The following IDE variants were observed in gnomAD, a reference collection of about 807,000 sequenced individuals.
The protein encoded by IDE is insulin degrading enzyme.
IDE carries 58 observed loss-of-function variants against 133.2 expected under a neutral mutation model. The observed-to-expected ratio is 0.44, with a 90% confidence interval of 0.35 to 0.54. The LOEUF is 0.54. Among genes scored for constraint, IDE ranks in the 20% least tolerant of loss-of-function variants. The probability of loss-of-function intolerance (pLI) is 0.00; values close to 1 mark genes in which losing one functional copy is unlikely to be tolerated. For missense variants in IDE, 981 were observed against 1,234.0 expected (o/e 0.79, Z 3.07); for synonymous variants, 396 against 421.3 (o/e 0.94, Z 0.73).
intron 14 of IDE, among the ~76,000 whole-genome samples, chr10:92,481,801 C>A (rs916228019): frequency 1.3e-5 from 2 of 152,196 alleles, no homozygotes; most frequent in East Asian, 3.9e-4. Context: ...CTAGGAAATG[C>A]GCTAGGCAGT....
intron 1 of IDE, among the ~76,000 whole-genome samples, chr10:92,572,331 C>T (rs1474791609): frequency 6.6e-6 from 1 of 152,220 alleles, no homozygotes; most frequent in Non-Finnish European, 1.5e-5. Context: ...TGCTTACCAC[C>T]TGATTCTCTA....
rs1242841501 is a variant in IDE at position 92,470,312 on chromosome 10, G to C, written c.2150C>G (p.Pro717Arg). The change falls in exon 18 of 25, where the codon CCT becomes CGT. Residue 717 changes from proline to arginine, a missense_variant. Coordinates refer to ENST00000265986, the MANE Select transcript of IDE (RefSeq NM_004969.4). Reference sequence around the variant, plus strand: ...AATGTGCAGCCGTGACAGGAGCTGAGGTATGAAGGCCTTAAGGCGAGGAAG... The same window carrying C: ...AATGTGCAGCCGTGACAGGAGCTGACGTATGAAGGCCTTAAGGCGAGGAAG... ...VTLPRLKAFIPQLLSRLHIEA... is the reference protein window; with the variant it reads ...VTLPRLKAFIRQLLSRLHIEA... 1.2e-6 allele frequency: 2 copies of C among 1,606,248 alleles called. No individual in the cohort carries two copies. Among genetic ancestry groups the C allele is most frequent in the Non-Finnish European group, 1.7e-6 (2 of 1,175,832 alleles).
At chr10:92,504,478 A>AC (rs1848188851) in intron 11 of IDE, among the ~76,000 whole-genome samples, 1 of 152,172 alleles carries the variant, frequency 6.6e-6, no homozygotes, top group South Asian at 2.1e-4. Flanking sequence ...AGCCAGGTTA[A>AC]GACAGGTTAT....
chr10:92,548,844 C>A (rs1218243275), intron 1 of IDE, among the ~76,000 whole-genome samples: 2 of 152,198 alleles, frequency 1.3e-5, no homozygotes, highest in East Asian at 3.8e-4. Flanking sequence ...CACTCACCAA[C>A]CCTCGCTGAG....
intron 17 of IDE, among the ~76,000 whole-genome samples, chr10:92,473,391 A>T (rs909475021): frequency 1.3e-5 from 2 of 152,062 alleles, no homozygotes; most frequent in Non-Finnish European, 2.9e-5. Context: ...TAATTTCTTT[A>T]CATTCAATAG....
At chr10:92,520,839 A>G (rs1408743869) in intron 4 of IDE, among the ~76,000 whole-genome samples, 3 of 152,190 alleles carry the variant, frequency 2.0e-5, no homozygotes, top group Middle Eastern at 3.2e-3. Context: ...GTAAATTTCT[A>G]GTTTTCCACA....
chr10:92,520,756 G>A (rs1849181199), intron 4 of IDE, among the ~76,000 whole-genome samples: 1 of 152,124 alleles, frequency 6.6e-6, no homozygotes, highest in Non-Finnish European at 1.5e-5. Context: ...TATAAAAGGG[G>A]ACTTTAAGTG....
chr10:92,567,441 C>T (rs768739789), intron 1 of IDE, among the ~76,000 whole-genome samples: 7 of 152,204 alleles, frequency 4.6e-5, no homozygotes, highest in Non-Finnish European at 8.8e-5. Flanking sequence ...AGACACTCTT[C>T]TTTCCTTGTC....
intron 14 of IDE, 100 bp downstream of exon 14, chr10:92,483,155 C>T (rs1366171518): frequency 6.4e-6 from 4 of 627,950 alleles, no homozygotes; most frequent in African/African-American, 5.5e-5. Context: ...ACTCTAATTC[C>T]TTTTATTTCT....
At chr10:92,553,014 A>G (rs1038204945) in intron 1 of IDE, among the ~76,000 whole-genome samples, 4 of 151,800 alleles carry the variant, frequency 2.6e-5, no homozygotes, top group Non-Finnish European at 5.9e-5. Context: ...AAATGAAGAA[A>G]CTCCTAAGGG....
intron 18 of IDE, among the ~76,000 whole-genome samples, chr10:92,469,855 C>T (rs1480769189): frequency 1.3e-5 from 2 of 152,042 alleles, no homozygotes; most frequent in Non-Finnish European, 2.9e-5. Context: ...GAAAAGAAAA[C>T]AGATAAGCAC....
chr10:92,553,100 T>C (rs1032498876), intron 1 of IDE, among the ~76,000 whole-genome samples: 4 of 151,808 alleles, frequency 2.6e-5, no homozygotes, highest in African/African-American at 9.7e-5. Flanking sequence ...AAGATAAATG[T>C]ATGTTCATAG....
chr10:92,539,958 T>TA (rs1842216142), intron 1 of IDE, among the ~76,000 whole-genome samples: 1 of 152,014 alleles, frequency 6.6e-6, no homozygotes, highest in African/African-American at 2.4e-5. Flanking sequence ...ATAACAGTCC[T>TA]AGGCCAGGCA....
intron 4 of IDE, among the ~76,000 whole-genome samples, chr10:92,519,022 C>T (rs1286346868): frequency 6.6e-6 from 1 of 151,998 alleles, no homozygotes; most frequent in Non-Finnish European, 1.5e-5. Context: ...CTTTGTATGA[C>T]AACTACATCA....
intron 22 of IDE, among the ~76,000 whole-genome samples, chr10:92,458,306 T>A (rs1442322020): frequency 2.0e-5 from 3 of 152,114 alleles, no homozygotes; most frequent in Non-Finnish European, 4.4e-5. Flanking sequence ...CTGTGGGACT[T>A]CTTATAATTT....
chr10:92,452,513 C>G lies in IDE; in HGVS notation c.*1931G>C, dbSNP rs1282574156. 1.3e-5 allele frequency: 2 copies of G among 152,204 alleles called. No individual in the cohort carries two copies. Among genetic ancestry groups the G allele is most frequent in the African/African-American group, 4.8e-5 (2 of 41,460 alleles). The allele number at this position is 152,204 out of a possible 1,614,324, so 9.4% of individuals were successfully genotyped here. A position where few individuals can be genotyped will look rare whatever the true frequency, so the allele number is the denominator to read the frequency against. ...TATGCCTGAGTGATCAACAGCAGCTCTAGATCCAACCTGGAAATTGGAAAA... is the reference window on the plus strand; with the variant it reads ...TATGCCTGAGTGATCAACAGCAGCTGTAGATCCAACCTGGAAATTGGAAAA... On this transcript the variant is annotated 3_prime_UTR_variant, in exon 25 of 25. Coordinates refer to ENST00000265986, the MANE Select transcript of IDE (RefSeq NM_004969.4).
chr10:92,526,706 T>C (rs1849638651), intron 4 of IDE, among the ~76,000 whole-genome samples: 2 of 151,748 alleles, frequency 1.3e-5, no homozygotes, highest in South Asian at 4.2e-4. Context: ...ATTAGCTGAG[T>C]GTGGTAGTGT....
chr10:92,503,778 C>G (rs1970245), intron 11 of IDE, among the ~76,000 whole-genome samples: 128,341 of 150,954 alleles, frequency 0.85, 54,774 homozygotes, highest in East Asian at 0.92. Flanking sequence ...GAGTGCAATG[C>G]CATGATCTCG....
chr10:92,511,325 A>G (rs1848619550), intron 5 of IDE, among the ~76,000 whole-genome samples: 2 of 151,826 alleles, frequency 1.3e-5, no homozygotes, highest in South Asian at 4.2e-4. Context: ...CTGGTCTCAA[A>G]CTCCTGAGCT....
Sources: gnomAD v4.1 joint callset for allele counts (sites outside exome capture counted in the v4.1 genomes callset) on GRCh38, gnomAD v4.1.1 for gene constraint, MANE v1.5 for transcripts, NCBI Gene and HGNC (gene_info 2026-07-23, HGNC 2026-07-21) for gene names.